Variants in GAL observed in about 807,000 individuals in gnomAD.
GAL encodes galanin peptides.
Under a neutral mutation model 15.8 loss-of-function variants are expected in GAL, and 14 were observed. The observed-to-expected ratio is 0.89, with a 90% CI of 0.59 to 1.39. The LOEUF is 1.39. Among genes scored for constraint, GAL ranks in the 40% most tolerant of loss-of-function variants. The probability of loss-of-function intolerance (pLI) is 0.00; values close to 1 mark genes in which losing one functional copy is unlikely to be tolerated. For missense variants in GAL, 176 were observed against 170.4 expected, an observed-to-expected ratio of 1.03 and a Z score of -0.18; for synonymous variants, 79 against 73.8, an observed-to-expected ratio of 1.07 and a Z score of -0.36.
intron 3 of GAL, among the ~76,000 whole-genome samples, chr11:68,686,578 G>A (rs777274519): frequency 6.6e-6 from 1 of 152,168 alleles, no homozygotes; most frequent in African/African-American, 2.4e-5. Flanking sequence ...CTTGTTTATC[G>A]GGGTCACTCA....
chr11:68,686,968 T>A (rs910674861), intron 3 of GAL, among the ~76,000 whole-genome samples: 1 of 152,256 alleles, frequency 6.6e-6, no homozygotes, highest in Non-Finnish European at 1.5e-5. Context: ...CCTGTTCAGC[T>A]GTAGCTAGAC....
rs1055408438 is a variant in GAL at position 68,684,570 on chromosome 11, A to T, written c.-163A>T. ...CACCGGGCGGCGGACACGTGGAGGGACCCGGCCCGCGCCTTCTGCCCCTGC... is the reference window on the plus strand; with the variant it reads ...CACCGGGCGGCGGACACGTGGAGGGTCCCGGCCCGCGCCTTCTGCCCCTGC... On this transcript the variant is annotated 5_prime_UTR_variant, in exon 1 of 6. Coordinates refer to ENST00000265643, the MANE Select transcript of GAL (RefSeq NM_015973.5). The T allele has an allele frequency of 5.3e-6, 1 of 189,186 alleles. No homozygotes were observed. The highest frequency in any genetic ancestry group is 1.1e-5 in the Non-Finnish European group (1 of 92,748). The allele number at this position is 189,186 out of a possible 1,614,324, so 11.7% of individuals were successfully genotyped here.
intron 3 of GAL, among the ~76,000 whole-genome samples, chr11:68,686,715 C>T (rs1201833858): frequency 1.3e-5 from 2 of 152,196 alleles, no homozygotes; most frequent in African/African-American, 4.8e-5. Context: ...CTCTCATCCT[C>T]TCCCTGCCCA....
intron 1 of GAL, 24 bp from the exon 2 acceptor site, chr11:68,684,900 G>C (rs747050822): frequency 6.6e-7 from 1 of 1,508,980 alleles, no homozygotes; most frequent in South Asian, 1.1e-5. Context: ...GTTCCGACCC[G>C]CCCGCCCTGT....
chr11:68,688,436 C>G (rs1258380092), intron 4 of GAL, among the ~76,000 whole-genome samples: 1 of 152,230 alleles, frequency 6.6e-6, no homozygotes, highest in Admixed American at 6.5e-5. Flanking sequence ...CAAGACCAGC[C>G]TGGCCAACAT....
chr11:68,685,109 GGTGGAAA>G, intron 2 of GAL, 105 bp downstream of exon 2: 2 of 755,570 alleles, frequency 2.6e-6, no homozygotes, highest in South Asian at 3.2e-5. Flanking sequence ...CGGGGATGGG[GGTGGAAA>G]GTGGAAAGGC....
chr11:68,689,229 G>A (rs890192571), intron 5 of GAL, among the ~76,000 whole-genome samples: 1 of 152,204 alleles, frequency 6.6e-6, no homozygotes, highest in African/African-American at 2.4e-5. Flanking sequence ...TATTCACACG[G>A]TGACAACTGC....
intron 4 of GAL, 69 bp downstream of exon 4, chr11:68,688,169 C>T (rs1275249271): frequency 6.2e-6 from 6 of 962,474 alleles, no homozygotes; most frequent in Admixed American, 3.5e-5. Flanking sequence ...ATGCAGGGGA[C>T]AGCTGTGGGT....
intron 5 of GAL, among the ~76,000 whole-genome samples, chr11:68,690,419 G>A (rs1185792031): frequency 6.6e-6 from 1 of 152,160 alleles, no homozygotes; most frequent in African/African-American, 2.4e-5. Context: ...AGAGGGAAGA[G>A]GAGTGAGGGG....
chr11:68,686,848 T>C (rs768798971), intron 3 of GAL, among the ~76,000 whole-genome samples: 33 of 152,206 alleles, frequency 2.2e-4, no homozygotes, highest in Non-Finnish European at 4.1e-4. Flanking sequence ...GCAGAACTGG[T>C]CAATGAGAAC....
At chr11:68,685,756 C>A in intron 3 of GAL, 108 bp downstream of exon 3, 1 of 749,528 alleles carries the variant, frequency 1.3e-6, no homozygotes, top group South Asian at 1.5e-5. Flanking sequence ...TCTGGCCTCC[C>A]TCTTGACCTC....
chr11:68,684,721 C>A lies in GAL; in HGVS notation c.-12C>A, dbSNP rs1945832444. 2 of 429,686 alleles carry A rather than the reference C, an allele frequency of 4.7e-6. No individual in the cohort carries two copies. Among genetic ancestry groups the A allele is most frequent in the Non-Finnish European group, 8.2e-6 (2 of 243,140 alleles). The allele number at this position is 429,686 out of a possible 1,614,324, so 26.6% of individuals were successfully genotyped here. Reference sequence around the variant, plus strand: ...CCCGACGCTCCGAACCCGGGCGCAGCCGCAGCTCAAGGTACTACTGGCGCC... The same window carrying A: ...CCCGACGCTCCGAACCCGGGCGCAGACGCAGCTCAAGGTACTACTGGCGCC... On this transcript the variant is annotated 5_prime_UTR_variant, in exon 1 of 6. Coordinates refer to ENST00000265643, the MANE Select transcript of GAL (RefSeq NM_015973.5).
At chr11:68,685,191 G>T (rs1470507937) in intron 2 of GAL, among the ~76,000 whole-genome samples, 187 bp downstream of exon 2, 1 of 152,236 alleles carries the variant, frequency 6.6e-6, no homozygotes, top group Non-Finnish European at 1.5e-5. Flanking sequence ...CCCCCCGCGC[G>T]CTTCTCCGAG....
At chr11:68,685,143 G>T in intron 2 of GAL, 139 bp downstream of exon 2, 1 of 626,844 alleles carries the variant, frequency 1.6e-6, no homozygotes, top group Non-Finnish European at 2.8e-6. Flanking sequence ...TGTCCTGGCT[G>T]CGGGCGTCGC....
intron 5 of GAL, among the ~76,000 whole-genome samples, chr11:68,690,694 C>T (rs561204104): frequency 1.3e-5 from 2 of 152,246 alleles, no homozygotes; most frequent in South Asian, 4.1e-4. Context: ...CTCTTTAAAG[C>T]CTGAATTTAA....
intron 5 of GAL, among the ~76,000 whole-genome samples, chr11:68,689,471 A>C (rs542872936): frequency 4.3e-4 from 64 of 150,548 alleles, no homozygotes; most frequent in African/African-American, 1.4e-3. Context: ...ATCTCAGCTC[A>C]CTGCAGCCTC....
At chr11:68,688,296 G>T (rs1945873590) in intron 4 of GAL, among the ~76,000 whole-genome samples, 196 bp downstream of exon 4, 1 of 152,188 alleles carries the variant, frequency 6.6e-6, no homozygotes, top group African/African-American at 2.4e-5. Flanking sequence ...ACAGCAAGGG[G>T]TCCTTCTAGG....
intron 5 of GAL, 80 bp downstream of exon 5, chr11:68,689,006 A>G: frequency 1.3e-6 from 1 of 744,122 alleles, no homozygotes; most frequent in Non-Finnish European, 2.4e-6. Flanking sequence ...GAGAACCCAT[A>G]GAATCCCCCT....
chr11:68,685,792 A>G (rs1248420700), intron 3 of GAL, 144 bp downstream of exon 3: 7 of 692,014 alleles, frequency 1.0e-5, no homozygotes, highest in Non-Finnish European at 1.9e-5. Flanking sequence ...TGCTCTGCAC[A>G]CTTGATCTGT....
Sources: allele counts gnomAD v4.1 joint callset (sites outside exome capture counted in the v4.1 genomes callset), GRCh38; gene constraint gnomAD v4.1.1; transcripts MANE v1.5; gene names NCBI Gene and HGNC (gene_info 2026-07-23, HGNC 2026-07-21).